Variants in MB21D2 observed in about 807,000 individuals in gnomAD.
MB21D2 encodes the protein nucleotidyltransferase MB21D2.
In MB21D2, 9 loss-of-function variants were observed where a neutral mutation model predicts 33.3. The observed-to-expected ratio is 0.27, with a 90% CI of 0.16 to 0.47. MB21D2 has a LOEUF of 0.47. Among genes scored for constraint, MB21D2 ranks in the 20% least tolerant of loss-of-function variants. The pLI, the probability that MB21D2 is intolerant of heterozygous loss-of-function variation, is 0.99. For missense variants in MB21D2, 540 were observed against 624.6 expected, an observed-to-expected ratio of 0.86 and a Z score of 1.44; for synonymous variants, 241 against 236.3, an observed-to-expected ratio of 1.02 and a Z score of -0.18.
rs111541321 is a variant in MB21D2, at chr3:192,869,181, G to A, written c.211+48449C>T. On this transcript the variant is annotated intron_variant, in intron 1 of 1. Transcript: ENST00000392452. ...TGAGTCAGAAGAATTGCTTGAGCCC[G>A]GGAGGCAGAGACTGCAGTGAGCCAA... Among the ~76,000 whole-genome samples, 1,357 of 151,372 alleles carry A rather than the reference G, an allele frequency of 9.0e-3. 19 individuals carry two copies. The highest frequency in any genetic ancestry group is 0.032 in the African/African-American group (1,299 of 41,204).
intron 1 of MB21D2, among the ~76,000 whole-genome samples, chr3:192,814,739 C>T (rs1030137752): frequency 5.3e-5 from 8 of 151,630 alleles, no homozygotes; most frequent in African/African-American, 1.7e-4. Context: ...GTGGTGGACG[C>T]CTTTAGTCCC....
At chr3:192,857,580 C>CCATAT (rs1209965911) in intron 1 of MB21D2, among the ~76,000 whole-genome samples, 1 of 152,114 alleles carries the variant, frequency 6.6e-6, no homozygotes, top group East Asian at 1.9e-4. Flanking sequence ...CCAGTTCCTG[C>CCATAT]CATAAGCGTG....
intron 1 of MB21D2, among the ~76,000 whole-genome samples, chr3:192,849,176 T>C (rs1257365314): frequency 6.6e-6 from 1 of 152,120 alleles, no homozygotes; most frequent in Non-Finnish European, 1.5e-5. Flanking sequence ...TTCCCACCAC[T>C]CCGTGCTCCC....
chr3:192,915,658 C>G (rs1714448514), intron 1 of MB21D2, among the ~76,000 whole-genome samples: 1 of 152,182 alleles, frequency 6.6e-6, no homozygotes, highest in Admixed American at 6.5e-5. Flanking sequence ...CAACACAATG[C>G]CACCCATGGC....
At chr3:192,853,072 CTT>C (rs1251952577) in intron 1 of MB21D2, among the ~76,000 whole-genome samples, 3 of 151,588 alleles carry the variant, frequency 2.0e-5, no homozygotes, top group Admixed American at 1.3e-4. Context: ...ATTTTCATTG[CTT>C]TTTACCTGGT....
At chr3:192,867,072 A>G (rs1478752095) in intron 1 of MB21D2, among the ~76,000 whole-genome samples, 1 of 152,112 alleles carries the variant, frequency 6.6e-6, no homozygotes, top group Non-Finnish European at 1.5e-5. Flanking sequence ...CCCAGAAACT[A>G]TTGCAATATT....
intron 1 of MB21D2, among the ~76,000 whole-genome samples, chr3:192,800,947 G>A (rs989129695): frequency 1.3e-5 from 2 of 152,202 alleles, no homozygotes; most frequent in African/African-American, 4.8e-5. Flanking sequence ...TCCGCACCAT[G>A]AGCGTGACAT....
intron 1 of MB21D2, among the ~76,000 whole-genome samples, chr3:192,818,394 A>AG (rs1711972958): frequency 1.3e-5 from 2 of 152,102 alleles, no homozygotes; most frequent in African/African-American, 4.8e-5. Context: ...TTTCACATGC[A>AG]ATTTTCCTAG....
At chr3:192,844,065 T>C (rs1712629234) in intron 1 of MB21D2, among the ~76,000 whole-genome samples, 1 of 152,226 alleles carries the variant, frequency 6.6e-6, no homozygotes, top group Non-Finnish European at 1.5e-5. Context: ...TTTTGATTTC[T>C]GCTCAACTTT....
chr3:192,882,303 G>A (rs1560249011), intron 1 of MB21D2, among the ~76,000 whole-genome samples: 2 of 152,034 alleles, frequency 1.3e-5, no homozygotes, highest in African/African-American at 2.4e-5. Flanking sequence ...TCGAACTCCC[G>A]ACCTCAGGTG....
At chr3:192,866,019 G>A in intron 1 of MB21D2, among the ~76,000 whole-genome samples, 2 of 151,756 alleles carry the variant, frequency 1.3e-5, no homozygotes, top group Non-Finnish European at 2.9e-5. Flanking sequence ...CTGTACTCTG[G>A]CCTGGGCAGC....
intron 1 of MB21D2, among the ~76,000 whole-genome samples, chr3:192,835,315 G>T (rs192142191): frequency 0.016 from 2,351 of 151,182 alleles, 31 homozygotes; most frequent in Admixed American, 0.024. Flanking sequence ...AATTAGCTGG[G>T]TGTGGTGGCG....
At chr3:192,870,175 C>CAGGGA (rs59355108) in intron 1 of MB21D2, among the ~76,000 whole-genome samples, 90,051 of 151,718 alleles carry the variant, frequency 0.59, 28,130 homozygotes, top group African/African-American at 0.78. Flanking sequence ...TCCTAATCCA[C>CAGGGA]AGGGAGGACT....
intron 1 of MB21D2, among the ~76,000 whole-genome samples, chr3:192,833,815 C>T (rs1200774415): frequency 1.3e-5 from 2 of 152,206 alleles, no homozygotes; most frequent in Non-Finnish European, 2.9e-5. Flanking sequence ...TCTTCTCCTA[C>T]CAGCCTGGCT....
At chr3:192,840,422 T>C (rs1002672172) in intron 1 of MB21D2, among the ~76,000 whole-genome samples, 11 of 138,130 alleles carry the variant, frequency 8.0e-5, no homozygotes, top group Admixed American at 3.6e-4. Context: ...TTTCTTTTTT[T>C]TTTTTTTTTT....
intron 1 of MB21D2, among the ~76,000 whole-genome samples, chr3:192,896,749 T>C (rs965093547): frequency 3.3e-5 from 5 of 152,222 alleles, no homozygotes; most frequent in African/African-American, 1.2e-4. Flanking sequence ...CATTGGCTAG[T>C]TACTGAGTAT....
chr3:192,870,766 C>A (rs1447364823), intron 1 of MB21D2, among the ~76,000 whole-genome samples: 2 of 93,674 alleles, frequency 2.1e-5, no homozygotes, highest in African/African-American at 5.7e-5. Flanking sequence ...CAAAGGCTAA[C>A]AAGTTCGAGG....
At chr3:192,888,039 A>C (rs75412913) in intron 1 of MB21D2, among the ~76,000 whole-genome samples, 2 of 152,018 alleles carry the variant, frequency 1.3e-5, no homozygotes, top group African/African-American at 4.8e-5. Context: ...TTTAAATTGC[A>C]TATCTGGGGA....
In MB21D2 at chr3:192,912,090, C is replaced by G. The variant is rs550498919; in HGVS notation, c.211+5540G>C. 2.0e-5 allele frequency among the ~76,000 whole-genome samples: 3 copies of G among 152,222 alleles called. No homozygotes were observed. In the South Asian group the frequency reaches 6.2e-4, roughly 32 times the overall value. On this transcript the variant is annotated intron_variant, in intron 1 of 1. Transcript: ENST00000392452. ...GAAAGTGCCTAAAAATATGGTAGGT[C>G]CAGGAGCACCACACCAAGCATTTAC...
Sources: allele counts gnomAD v4.1 joint callset (sites outside exome capture counted in the v4.1 genomes callset), GRCh38; gene constraint gnomAD v4.1.1; transcripts MANE v1.5; gene names NCBI Gene and HGNC (gene_info 2026-07-23, HGNC 2026-07-21).